The following KLB variants were observed in gnomAD, a reference collection of about 807,000 sequenced individuals.
KLB encodes the protein beta-klotho.
KLB carries 44 observed loss-of-function variants against 88.4 expected under a neutral mutation model. The observed-to-expected ratio is 0.50, with a 90% CI of 0.39 to 0.64. The LOEUF is 0.64. KLB is among the 30% of genes least tolerant of loss of function. KLB has a pLI of 0.00. For synonymous variants in KLB, 548 were observed against 513.4 expected, an observed-to-expected ratio of 1.07 and a Z score of -0.91; for missense variants, 1,137 against 1,304.8, an observed-to-expected ratio of 0.87 and a Z score of 1.98.
Position 39,446,948 on chromosome 4 carries a change from C to A in KLB, c.2222C>A (p.Ser741Ter). Residue 741 changes from serine to a stop codon, truncating the protein, a stop_gained, in exon 4 of 5, where the codon TCG (serine) becomes TAG (stop). Coordinates refer to ENST00000257408, the MANE Select transcript of KLB (RefSeq NM_175737.4). LOFTEE classifies it high-confidence loss of function. The surrounding 1 kb of genome is among the most constrained non-coding windows in gnomAD (Gnocchi z 6.4). The part of the protein sequence containing the change: ...RPSQRGAVSL[S>*]LHADWAEPAN... ...TCACAGCGCGGGGCCGTGTCGCTGT[C>A]GCTGCACGCGGACTGGGCGGAACCC... 1 of 1,605,392 alleles carries A rather than the reference C, an allele frequency of 6.2e-7. No homozygotes were observed. The highest frequency in any genetic ancestry group is 8.5e-7 in the Non-Finnish European group (1 of 1,178,960).
chr4:39,447,447 A>C lies in KLB; in HGVS notation c.2721A>C (p.Leu907=), dbSNP rs546450177. The part of the protein sequence containing the change: ...LEDDRLRKYY[L]GKYLQEVLKA... The stretch of plus-strand genomic sequence containing the variant: ...ATGACCGGCTCCGGAAGTACTACCT[A>C]GGGAAGTACCTTCAGGAGGTGCTGA... Residue 907 remains leucine, a synonymous_variant, in exon 4 of 5, where the codon CTA becomes CTC. Transcript: ENST00000257408. The C allele has an allele frequency of 5.6e-6, 9 of 1,600,126 alleles. No homozygotes were observed. The African/African-American group carries it at 9.3e-5, about 17-fold the overall frequency.
chr4:39,413,655 T>A (rs1742907509), intron 1 of KLB, among the ~76,000 whole-genome samples: 1 of 150,668 alleles, frequency 6.6e-6, no homozygotes, highest in African/African-American at 2.4e-5. Context: ...GCCCGGGAGG[T>A]CAAGGCTGCA....
At chr4:39,431,758 T>C (rs1416909006) in intron 1 of KLB, among the ~76,000 whole-genome samples, 1 of 152,238 alleles carries the variant, frequency 6.6e-6, no homozygotes, top group East Asian at 1.9e-4. Context: ...CTTACCTCAA[T>C]GCCTACTTTC....
intron 1 of KLB, among the ~76,000 whole-genome samples, chr4:39,414,660 G>T (rs961298612): frequency 6.6e-6 from 1 of 151,834 alleles, no homozygotes. Context: ...CACGAGGTCA[G>T]GAGTTCGAGA....
intron 1 of KLB, among the ~76,000 whole-genome samples, chr4:39,421,342 A>G (rs926098375): frequency 2.0e-5 from 3 of 152,202 alleles, no homozygotes; most frequent in Admixed American, 1.3e-4. Context: ...TTGTTGATGT[A>G]TATAACTTTG....
chr4:39,447,553 G>GA, intron 4 of KLB, 78 bp downstream of exon 4: 1 of 1,254,478 alleles, frequency 8.0e-7, no homozygotes, highest in South Asian at 1.5e-5. Context: ...GGGAGCAGCA[G>GA]GCTGGTGCCT....
intron 1 of KLB, among the ~76,000 whole-genome samples, chr4:39,413,990 A>C (rs1238416588): frequency 6.6e-6 from 1 of 152,172 alleles, no homozygotes; most frequent in Non-Finnish European, 1.5e-5. Flanking sequence ...AGCAGCATCT[A>C]AACTCTACTC....
At chr4:39,425,120 G>A (rs1392543455) in intron 1 of KLB, among the ~76,000 whole-genome samples, 2 of 152,162 alleles carry the variant, frequency 1.3e-5, no homozygotes, top group Non-Finnish European at 2.9e-5. Flanking sequence ...GCATGCAAAT[G>A]CTCTCCTCCG....
In KLB at chr4:39,446,994, G is replaced by A. The variant is rs1743764752; in HGVS notation, c.2268G>A (p.Ser756=). 6.2e-7 allele frequency: 1 copy of A among 1,609,516 alleles called. No homozygotes were observed. The highest frequency in any genetic ancestry group is 1.7e-5 in the Admixed American group (1 of 60,008). ...AACCCGCCAACCCCTATGCTGACTCGCACTGGAGGGCGGCCGAGCGCTTCC... is the reference window on the plus strand; with the variant it reads ...AACCCGCCAACCCCTATGCTGACTCACACTGGAGGGCGGCCGAGCGCTTCC... ...WAEPANPYAD[S]HWRAAERFLQ... Residue 756 remains serine (S), a synonymous_variant, in exon 4 of 5, where the codon TCG becomes TCA. Coordinates refer to ENST00000257408, the MANE Select transcript of KLB (RefSeq NM_175737.4). This position sits in a 1 kb window ranked among gnomAD's most constrained non-coding sequence, Gnocchi z 6.4.
chr4:39,414,667 G>A (rs1004107465), intron 1 of KLB, among the ~76,000 whole-genome samples: 2 of 151,612 alleles, frequency 1.3e-5, no homozygotes, highest in African/African-American at 2.4e-5. Context: ...TCAGGAGTTC[G>A]AGACCAGCCT....
At chr4:39,440,088 G>A (rs1045669821) in intron 3 of KLB, among the ~76,000 whole-genome samples, 5 of 152,122 alleles carry the variant, frequency 3.3e-5, no homozygotes, top group South Asian at 2.1e-4. Context: ...ACAGGTGTGA[G>A]CCACCATGCC....
chr4:39,447,516 T>G (rs1560654757), intron 4 of KLB, 41 bp downstream of exon 4: 4 of 1,461,466 alleles, frequency 2.7e-6, no homozygotes, highest in Non-Finnish European at 3.7e-6. Flanking sequence ...AGAGCGAGAT[T>G]CCTGTTACCT....
intron 1 of KLB, among the ~76,000 whole-genome samples, chr4:39,413,793 T>C (rs1420751765): frequency 6.6e-6 from 1 of 152,198 alleles, no homozygotes; most frequent in Non-Finnish European, 1.5e-5. Context: ...CATGACAGTT[T>C]TGACCATTTC....
chr4:39,432,440 C>T (rs1743384778), intron 1 of KLB, among the ~76,000 whole-genome samples: 1 of 152,164 alleles, frequency 6.6e-6, no homozygotes, highest in Admixed American at 6.5e-5. Flanking sequence ...GTGGCCTTGG[C>T]ATTTAAGTGG....
rs1227440716 is a variant in KLB at position 39,450,068 on chromosome 4, C to G, written c.*1382C>G. ...GTAAGTAAAGCAACAATTCAGAATA[C>G]TGAATGAGTTTAAATTGTTTTATAT... On this transcript the variant is annotated 3_prime_UTR_variant, in exon 5 of 5. Coordinates refer to ENST00000257408, the MANE Select transcript of KLB (RefSeq NM_175737.4). 1 of 152,158 alleles carries G rather than the reference C, an allele frequency of 6.6e-6. No individual in the cohort carries two copies. Among genetic ancestry groups the G allele is most frequent in the Non-Finnish European group, 1.5e-5 (1 of 68,018 alleles). The allele number at this position is 152,158 out of a possible 1,614,324, so 9.4% of individuals were successfully genotyped here.
intron 3 of KLB, among the ~76,000 whole-genome samples, chr4:39,441,492 C>A (rs762468083): frequency 1.3e-4 from 20 of 152,154 alleles, no homozygotes; most frequent in Non-Finnish European, 2.6e-4. Flanking sequence ...CTAAAACCCA[C>A]CTGTTCCTCA....
chr4:39,424,702 G>A (rs948504811), intron 1 of KLB, among the ~76,000 whole-genome samples: 1 of 148,344 alleles, frequency 6.7e-6, no homozygotes, highest in African/African-American at 2.6e-5. Context: ...CGCTATCTCG[G>A]CTCACTGCAA....
intron 2 of KLB, among the ~76,000 whole-genome samples, chr4:39,437,248 C>T (rs1743492931): frequency 6.6e-6 from 1 of 152,170 alleles, no homozygotes; most frequent in Non-Finnish European, 1.5e-5. Context: ...TCTTCTTTTA[C>T]CTCCTTATGT....
chr4:39,418,278 C>T (rs1044247684), intron 1 of KLB, among the ~76,000 whole-genome samples: 1 of 152,100 alleles, frequency 6.6e-6, no homozygotes, highest in African/African-American at 2.4e-5. Context: ...CGCTCTGTCA[C>T]CTAGGCTGGA....
Sources: allele counts gnomAD v4.1 joint callset (sites outside exome capture counted in the v4.1 genomes callset), GRCh38; gene constraint gnomAD v4.1.1; non-coding constraint Gnocchi (gnomAD v3.1); transcripts MANE v1.5; gene names NCBI Gene and HGNC (gene_info 2026-07-23, HGNC 2026-07-21).